The following SLC36A4 variants were observed in gnomAD, a reference collection of about 807,000 sequenced individuals.
SLC36A4 encodes the protein neutral amino acid uniporter 4.
Under a neutral mutation model 50.5 loss-of-function variants are expected in SLC36A4, and 49 were observed. That is an observed-to-expected ratio of 0.97 (90% CI 0.77 to 1.23). The LOEUF (loss-of-function observed/expected upper bound fraction) is 1.23, where lower values mean the gene tolerates loss of function less well. Among genes scored for constraint, SLC36A4 ranks in the 50% most tolerant of loss-of-function variants. The probability of loss-of-function intolerance (pLI) is 0.00; values close to 1 mark genes in which losing one functional copy is unlikely to be tolerated. For missense variants in SLC36A4, 611 were observed against 608.4 expected, an observed-to-expected ratio of 1.00 and a Z score of -0.05; for synonymous variants, 207 against 206.5, an observed-to-expected ratio of 1.00 and a Z score of -0.02.
chr11:93,157,062 G>A (rs1445337001), intron 9 of SLC36A4, among the ~76,000 whole-genome samples: 2 of 152,136 alleles, frequency 1.3e-5, no homozygotes, highest in African/African-American at 4.8e-5. Context: ...TATCCCATAT[G>A]GCTGGCTGGT....
At chr11:93,183,603 G>T (rs566712892) in intron 3 of SLC36A4, among the ~76,000 whole-genome samples, 2 of 151,814 alleles carry the variant, frequency 1.3e-5, no homozygotes, top group African/African-American at 2.4e-5. Context: ...CCCTATCAAG[G>T]TTCTCTGCAA....
chr11:93,191,124 C>T (rs1270898050), intron 1 of SLC36A4, among the ~76,000 whole-genome samples: 2 of 152,246 alleles, frequency 1.3e-5, no homozygotes, highest in East Asian at 1.9e-4. Context: ...GATCTCTGAA[C>T]ATTAGATTAA....
intron 6 of SLC36A4, among the ~76,000 whole-genome samples, chr11:93,169,440 C>T (rs749723493): frequency 5.3e-5 from 8 of 152,126 alleles, no homozygotes; most frequent in Non-Finnish European, 8.8e-5. Flanking sequence ...TCCACTTTTA[C>T]ATATCTCTCT....
rs1350261861 is a variant in SLC36A4, at chr11:93,165,562, T to A, written c.867+356A>T. Among the ~76,000 whole-genome samples, 6 of 152,254 alleles carry A rather than the reference T, an allele frequency of 3.9e-5. No individual in the cohort carries two copies. In the East Asian group the frequency reaches 1.2e-3, roughly 29 times the overall value. ...GATATAGATTTTTTTTAAACTGGCCTTGAGTTAATAATTTTTGAAGCCAGG... is the reference window on the plus strand; with the variant it reads ...GATATAGATTTTTTTTAAACTGGCCATGAGTTAATAATTTTTGAAGCCAGG... On this transcript the variant is annotated intron_variant, in intron 8 of 10. Coordinates refer to ENST00000326402, the MANE Select transcript of SLC36A4 (RefSeq NM_152313.4).
At chr11:93,165,459 A>G (rs1471739296) in intron 8 of SLC36A4, among the ~76,000 whole-genome samples, 3 of 152,158 alleles carry the variant, frequency 2.0e-5, no homozygotes, top group Non-Finnish European at 2.9e-5. Flanking sequence ...TTTATATAGC[A>G]GTGATTCTGC....
At chr11:93,157,766 G>C (rs1392666761) in intron 9 of SLC36A4, among the ~76,000 whole-genome samples, 1 of 152,058 alleles carries the variant, frequency 6.6e-6, no homozygotes, top group Non-Finnish European at 1.5e-5. Flanking sequence ...GAAGCCTTTG[G>C]GCTTACTATG....
At chr11:93,183,141 A>G (rs1861809764) in intron 3 of SLC36A4, among the ~76,000 whole-genome samples, 1 of 152,192 alleles carries the variant, frequency 6.6e-6, no homozygotes, top group African/African-American at 2.4e-5. Context: ...AGTATAGACA[A>G]CAAAGTAGGA....
At chr11:93,178,199 A>C (rs1190384993) in intron 6 of SLC36A4, among the ~76,000 whole-genome samples, 12 of 152,174 alleles carry the variant, frequency 7.9e-5, no homozygotes, top group Admixed American at 6.5e-4. Context: ...CCTCTGAGCC[A>C]GCGCAGGATA....
At chr11:93,164,063 T>C (rs74606706) in intron 8 of SLC36A4, among the ~76,000 whole-genome samples, 253 of 152,252 alleles carry the variant, frequency 1.7e-3, no homozygotes, top group Middle Eastern at 3.4e-3. Flanking sequence ...GAACTTTGAT[T>C]CTCTTGTAGA....
In SLC36A4 at chr11:93,185,993, T is replaced by G. The variant is rs1290395242; in HGVS notation, c.56-179A>C. ...ACATTTAAAAAGAAACAACTAAATT[T>G]ATTTGCTGGATATTCTGTTTGGAAT... is the stretch of plus-strand genomic sequence containing the variant. On this transcript the variant is annotated intron_variant, in intron 1 of 10. Coordinates refer to ENST00000326402, the MANE Select transcript of SLC36A4 (RefSeq NM_152313.4). Among the ~76,000 whole-genome samples the G allele has an allele frequency of 2.0e-5, 3 of 152,218 alleles. 1 individual carries two copies. The highest frequency in any genetic ancestry group is 2.0e-4 in the Admixed American group (3 of 15,284).
intron 9 of SLC36A4, among the ~76,000 whole-genome samples, chr11:93,161,319 TAATAA>T (rs1860608118): frequency 6.6e-6 from 1 of 152,188 alleles, no homozygotes; most frequent in Non-Finnish European, 1.5e-5. Flanking sequence ...TATAAAGAGT[TAATAA>T]AATAAATGCT....
In SLC36A4 at chr11:93,184,658, C is replaced by A. The variant is rs1861897643; in HGVS notation, c.180-138G>T. ...TAACATTTCCATCCCACCACTGGGC[C>A]AGAAGTCATACTTGGTTCAAGTCCT... On this transcript the variant is annotated intron_variant, in intron 2 of 10. Transcript: ENST00000326402. 4 of 592,436 alleles carry A rather than the reference C, an allele frequency of 6.8e-6. No individual in the cohort carries two copies. In the South Asian group the frequency reaches 8.5e-5, roughly 13 times the overall value. The allele number at this position is 592,436 out of a possible 1,614,324, so 36.7% of individuals were successfully genotyped here.
Position 93,197,791 on chromosome 11 carries a change from C to T in SLC36A4, c.42G>A (p.Arg14=). 1.3e-6 allele frequency: 2 copies of T among 1,586,744 alleles called. No individual in the cohort carries two copies. Among genetic ancestry groups the T allele is most frequent in the Non-Finnish European group, 1.7e-6 (2 of 1,173,778 alleles). Residue 14 remains arginine (R), a synonymous_variant, in exon 1 of 11, where the codon AGG becomes AGA. Transcript: ENST00000326402. ...CACAACACCGACCTAGCTCCTCGCG[C>T]CTCGCCGCCCCGGCAGCCGCCGGCG... ...AATPAAAGAA[R]REELDMDVMR...
intron 6 of SLC36A4, among the ~76,000 whole-genome samples, chr11:93,169,583 T>C (rs1296319738): frequency 3.3e-5 from 5 of 152,272 alleles, no homozygotes; most frequent in South Asian, 2.1e-4. Context: ...TCAGTATAAA[T>C]GTACACATCA....
intron 6 of SLC36A4, among the ~76,000 whole-genome samples, chr11:93,170,855 T>C (rs868808143): frequency 2.0e-5 from 3 of 152,108 alleles, no homozygotes; most frequent in South Asian, 2.1e-4. Flanking sequence ...GGCAGTTACA[T>C]AGCAGGTTTC....
intron 9 of SLC36A4, chr11:93,160,276 GC>G: frequency 1.0e-6 from 1 of 985,382 alleles, no homozygotes; most frequent in Non-Finnish European, 1.2e-6. Context: ...ATTAACCAAT[GC>G]AAATTCTCTA....
At chr11:93,193,885 G>GT (rs2134716375) in intron 1 of SLC36A4, among the ~76,000 whole-genome samples, 1 of 152,242 alleles carries the variant, frequency 6.6e-6, no homozygotes, top group South Asian at 2.1e-4. Flanking sequence ...TTTTGCACAA[G>GT]AATGTTCATT....
rs768624002 is a variant in SLC36A4 at position 93,154,297 on chromosome 11, A to G, written c.1038-20T>C. 2 of 1,254,348 alleles carry G rather than the reference A, an allele frequency of 1.6e-6. No homozygotes were observed. The allele number at this position is 1,254,348 out of a possible 1,614,324, so 77.7% of individuals were successfully genotyped here. ...TATAACCTGTTGAAAAAAATTTTCAAAATTTAGTCATTTTTAATGTGAATT... is the reference window on the plus strand; with the variant it reads ...TATAACCTGTTGAAAAAAATTTTCAGAATTTAGTCATTTTTAATGTGAATT... On this transcript the variant is annotated intron_variant, in intron 9 of 10. Transcript: ENST00000326402.
chr11:93,157,790 A>G (rs542572525), intron 9 of SLC36A4, among the ~76,000 whole-genome samples: 1 of 152,310 alleles, frequency 6.6e-6, no homozygotes, highest in East Asian at 1.9e-4. Flanking sequence ...TTTTCGAGAT[A>G]TAGGATCATG....
Sources: gnomAD v4.1 joint callset for allele counts (sites outside exome capture counted in the v4.1 genomes callset) on GRCh38, gnomAD v4.1.1 for gene constraint, MANE v1.5 for transcripts, NCBI Gene and HGNC (gene_info 2026-07-23, HGNC 2026-07-21) for gene names.